Variants in SPOCK3 observed in about 807,000 individuals in gnomAD.
The protein encoded by SPOCK3 is testican-3.
In SPOCK3, 30 loss-of-function variants were observed where a neutral mutation model predicts 56.6. That is an observed-to-expected ratio of 0.53 (90% CI 0.40 to 0.72). SPOCK3 has a LOEUF of 0.72. SPOCK3 is among the 30% of genes least tolerant of loss of function. The pLI is 0.00. For synonymous variants in SPOCK3, 196 were observed against 183.3 expected (o/e 1.07, Z -0.56); for missense variants, 527 against 530.0 (o/e 0.99, Z 0.06).
chr4:166,947,033 G>A (rs1741847037), intron 4 of SPOCK3, among the ~76,000 whole-genome samples: 1 of 152,042 alleles, frequency 6.6e-6, no homozygotes, highest in African/African-American at 2.4e-5. Context: ...ATACCACTGA[G>A]CATTTTACCT....
At chr4:167,023,456 G>T (rs1751393252) in intron 3 of SPOCK3, among the ~76,000 whole-genome samples, 1 of 151,248 alleles carries the variant, frequency 6.6e-6, no homozygotes, top group African/African-American at 2.4e-5. Flanking sequence ...ATCACACTAG[G>T]TTAAAAAAAA....
intron 3 of SPOCK3, among the ~76,000 whole-genome samples, chr4:167,042,430 C>T (rs1399628503): frequency 6.6e-6 from 1 of 152,136 alleles, no homozygotes; most frequent in East Asian, 1.9e-4. Flanking sequence ...GGATCAAATA[C>T]ATATGATGTG....
chr4:166,867,889 A>G (rs979886431), intron 6 of SPOCK3, among the ~76,000 whole-genome samples: 1 of 151,890 alleles, frequency 6.6e-6, no homozygotes, highest in East Asian at 1.9e-4. Context: ...TTCCAGAAAA[A>G]AAGTTTGTTT....
chr4:166,932,436 T>A (rs1260864656), intron 4 of SPOCK3, among the ~76,000 whole-genome samples: 3 of 152,302 alleles, frequency 2.0e-5, no homozygotes, highest in African/African-American at 4.8e-5. Context: ...CCTGGTAACA[T>A]TAAAGCTATA....
At chr4:167,116,371 C>T (rs1219006853) in intron 2 of SPOCK3, among the ~76,000 whole-genome samples, 1 of 148,042 alleles carries the variant, frequency 6.8e-6, no homozygotes, top group Non-Finnish European at 1.5e-5. Context: ...AAATAAATTA[C>T]AAAAGTTATA....
At chr4:167,233,923 C>T in intron 2 of SPOCK3, 62 bp downstream of exon 2, 1 of 1,477,242 alleles carries the variant, frequency 6.8e-7, no homozygotes, top group Non-Finnish European at 9.4e-7. Flanking sequence ...ATCCGGCGGC[C>T]GCGGCCCCCG....
chr4:167,017,325 A>G (rs1750722753), intron 3 of SPOCK3, among the ~76,000 whole-genome samples: 1 of 152,064 alleles, frequency 6.6e-6, no homozygotes, highest in African/African-American at 2.4e-5. Flanking sequence ...CCTTGGGAGG[A>G]GAGCTGCTCA....
At chr4:166,835,427 T>A (rs1177592578) in intron 6 of SPOCK3, among the ~76,000 whole-genome samples, 1 of 152,160 alleles carries the variant, frequency 6.6e-6, no homozygotes, top group Admixed American at 6.5e-5. Context: ...TTTTTAAACA[T>A]CTGAAGTTAT....
chr4:167,071,383 C>G (rs564467096), intron 2 of SPOCK3, among the ~76,000 whole-genome samples: 1 of 152,092 alleles, frequency 6.6e-6, no homozygotes, highest in East Asian at 2.0e-4. Flanking sequence ...AATGCTATCC[C>G]TCCCCTAGCC....
intron 5 of SPOCK3, among the ~76,000 whole-genome samples, chr4:166,906,754 A>AT (rs997802735): frequency 2.0e-5 from 3 of 151,730 alleles, no homozygotes; most frequent in East Asian, 1.9e-4. Flanking sequence ...TTATTTTTTA[A>AT]TTTTTTTTAG....
chr4:166,853,854 C>T (rs969632068), intron 6 of SPOCK3, among the ~76,000 whole-genome samples: 2 of 151,824 alleles, frequency 1.3e-5, no homozygotes, highest in Admixed American at 6.6e-5. Flanking sequence ...TGCACTCCAC[C>T]CTGGGCGACA....
chr4:167,083,531 T>G (rs930539628), intron 2 of SPOCK3, among the ~76,000 whole-genome samples: 2 of 152,122 alleles, frequency 1.3e-5, no homozygotes, highest in African/African-American at 4.8e-5. Context: ...TCATTTTGTT[T>G]AGACAACTAA....
chr4:167,203,383 T>C (rs1242296557), intron 2 of SPOCK3, among the ~76,000 whole-genome samples: 2 of 151,996 alleles, frequency 1.3e-5, no homozygotes, highest in East Asian at 1.9e-4. Context: ...TAGAGACTTT[T>C]GGATGCCATT....
intron 6 of SPOCK3, among the ~76,000 whole-genome samples, chr4:166,803,203 A>G (rs2126696293): frequency 6.6e-6 from 1 of 152,338 alleles, no homozygotes; most frequent in East Asian, 1.9e-4. Flanking sequence ...GCATTGCTAT[A>G]AATCACGCAG....
intron 2 of SPOCK3, among the ~76,000 whole-genome samples, chr4:167,090,642 T>A (rs1052109998): frequency 1.3e-4 from 20 of 152,064 alleles, no homozygotes; most frequent in Non-Finnish European, 2.4e-4. Flanking sequence ...TAGCTGGGAT[T>A]ACAGGCATGC....
chr4:166,839,554 T>G (rs1381091808), intron 6 of SPOCK3, among the ~76,000 whole-genome samples: 1 of 152,066 alleles, frequency 6.6e-6, no homozygotes, highest in Non-Finnish European at 1.5e-5. Context: ...AGAACTGCCC[T>G]AACTCCACAC....
intron 6 of SPOCK3, among the ~76,000 whole-genome samples, chr4:166,872,950 G>C (rs572331917): frequency 1.3e-5 from 2 of 152,194 alleles, no homozygotes; most frequent in East Asian, 3.9e-4. Context: ...GCAAGAAAGA[G>C]GAACAGGGGA....
At chr4:167,160,221 A>G (rs1247742154) in intron 2 of SPOCK3, among the ~76,000 whole-genome samples, 1 of 152,200 alleles carries the variant, frequency 6.6e-6, no homozygotes, top group Admixed American at 6.5e-5. Context: ...ATGTACAAAA[A>G]TCACAAGCAT....
intron 4 of SPOCK3, among the ~76,000 whole-genome samples, chr4:166,961,160 C>G (rs1744102558): frequency 1.3e-5 from 2 of 151,570 alleles, no homozygotes; most frequent in South Asian, 4.2e-4. Context: ...ACAAAATAAT[C>G]TAATCACATT....
Sources: allele counts gnomAD v4.1 joint callset (sites outside exome capture counted in the v4.1 genomes callset), GRCh38; gene constraint gnomAD v4.1.1; transcripts MANE v1.5; gene names NCBI Gene and HGNC (gene_info 2026-07-23, HGNC 2026-07-21).